The following EPB41L4B variants were observed in gnomAD, a reference collection of about 807,000 sequenced individuals.
The protein encoded by EPB41L4B is erythrocyte membrane protein band 4.1 like 4B, also known as band 4.1-like protein 4B.
A neutral mutation model predicts 112.5 loss-of-function variants in EPB41L4B; 30 were observed. That is an observed-to-expected ratio of 0.27 (90% CI 0.20 to 0.36). The LOEUF is 0.36. EPB41L4B is among the 10% of genes least tolerant of loss of function. The pLI is 1.00. For synonymous variants in EPB41L4B, 408 were observed against 439.7 expected (o/e 0.93, Z 0.90); for missense variants, 1,024 against 1,133.3 (o/e 0.90, Z 1.38).
chr9:109,175,115 C>T (rs1382549313), intron 25 of EPB41L4B, among the ~76,000 whole-genome samples: 1 of 151,748 alleles, frequency 6.6e-6, no homozygotes, highest in East Asian at 1.9e-4. Flanking sequence ...CGGGGTTTCA[C>T]CGTGTTGCCC....
chr9:109,303,783 G>T (rs1190954039), intron 1 of EPB41L4B, among the ~76,000 whole-genome samples: 1 of 151,992 alleles, frequency 6.6e-6, no homozygotes, highest in East Asian at 1.9e-4. Flanking sequence ...TAGGATTATG[G>T]TTGTGAACCA....
intron 18 of EPB41L4B, among the ~76,000 whole-genome samples, chr9:109,207,670 T>C (rs1443873712): frequency 2.0e-5 from 3 of 152,078 alleles, no homozygotes; most frequent in African/African-American, 7.2e-5. Context: ...CAGGGCCCAG[T>C]TTTCCAGGTG....
intron 1 of EPB41L4B, among the ~76,000 whole-genome samples, chr9:109,284,161 G>A (rs1399959232): frequency 1.3e-5 from 2 of 152,038 alleles, no homozygotes; most frequent in Non-Finnish European, 2.9e-5. Flanking sequence ...TACCTTAAAC[G>A]TGCTCAGCAA....
rs1833753929 is a variant in EPB41L4B at position 109,226,210 on chromosome 9, G to T, written c.1410-9065C>A. Among the ~76,000 whole-genome samples, 3 of 152,076 alleles carry T rather than the reference G, an allele frequency of 2.0e-5. No individual in the cohort carries two copies. In the South Asian group the frequency reaches 6.2e-4, roughly 32 times the overall value. ...GTCCTCTGGCTTTTACATAGGTTTG[G>T]TCAATGGGAGGCACTGACATGGACT... On this transcript the variant is annotated intron_variant, in intron 15 of 25. Coordinates refer to ENST00000374566, the MANE Select transcript of EPB41L4B (RefSeq NM_019114.5).
intron 14 of EPB41L4B, among the ~76,000 whole-genome samples, chr9:109,246,350 G>C (rs2118985005): frequency 6.6e-6 from 1 of 152,296 alleles, no homozygotes; most frequent in Non-Finnish European, 1.5e-5. Flanking sequence ...AATAGAGATG[G>C]GGTCTCACTA....
At chr9:109,280,918 G>T (rs1836009334) in intron 1 of EPB41L4B, among the ~76,000 whole-genome samples, 1 of 152,082 alleles carries the variant, frequency 6.6e-6, no homozygotes, top group African/African-American at 2.4e-5. Flanking sequence ...GCAGCACTGG[G>T]TAACCTAAGA....
chr9:109,231,665 C>A (rs1833956331), intron 15 of EPB41L4B, among the ~76,000 whole-genome samples: 1 of 152,180 alleles, frequency 6.6e-6, no homozygotes, highest in Non-Finnish European at 1.5e-5. Flanking sequence ...GTGCTTCCAT[C>A]TCTGAGTCTG....
rs1307230520 is a variant in EPB41L4B, at chr9:109,320,529, C to T, written c.-83G>A. 2.4e-6 allele frequency: 2 copies of T among 816,646 alleles called. No individual in the cohort carries two copies. Among genetic ancestry groups the T allele is most frequent in the Non-Finnish European group, 2.9e-6 (2 of 680,148 alleles). 50.6% of individuals were successfully genotyped at this position (816,646 alleles called of 1,614,324 possible). On this transcript the variant is annotated 5_prime_UTR_variant, in exon 1 of 26. Transcript: ENST00000374566. The stretch of plus-strand genomic sequence containing the variant: ...CCGCTGCGCCGCCGCCCGGGAGCGT[C>T]CCGCGACGCCGTCAGTGCCCTCGGC...
At chr9:109,207,341 G>A (rs553956918) in intron 18 of EPB41L4B, among the ~76,000 whole-genome samples, 4 of 152,182 alleles carry the variant, frequency 2.6e-5, no homozygotes, top group South Asian at 2.1e-4. Flanking sequence ...AGGCTGAGGC[G>A]CGAGGATTGC....
intron 18 of EPB41L4B, 33 bp downstream of exon 18, chr9:109,207,891 A>G: frequency 1.2e-6 from 2 of 1,613,314 alleles, no homozygotes; most frequent in Non-Finnish European, 1.7e-6. Context: ...ATCCTATAAC[A>G]TGAAATCAAA....
At chr9:109,287,279 C>T (rs1483594393) in intron 1 of EPB41L4B, among the ~76,000 whole-genome samples, 1 of 152,098 alleles carries the variant, frequency 6.6e-6, no homozygotes, top group Non-Finnish European at 1.5e-5. Flanking sequence ...CTTAACTGCC[C>T]CCCAAAATAA....
intron 1 of EPB41L4B, among the ~76,000 whole-genome samples, chr9:109,284,571 C>T (rs898166349): frequency 6.6e-6 from 1 of 152,198 alleles, no homozygotes; most frequent in South Asian, 2.1e-4. Context: ...CCCCACCACA[C>T]TGGGCTAATT....
intron 2 of EPB41L4B, among the ~76,000 whole-genome samples, chr9:109,271,915 T>A (rs1197349850): frequency 6.6e-6 from 1 of 152,230 alleles, no homozygotes; most frequent in Non-Finnish European, 1.5e-5. Flanking sequence ...TGTGAGATGA[T>A]CTTGGCAAGG....
At chr9:109,295,638 T>C (rs1836707266) in intron 1 of EPB41L4B, among the ~76,000 whole-genome samples, 2 of 152,094 alleles carry the variant, frequency 1.3e-5, no homozygotes, top group South Asian at 4.1e-4. Flanking sequence ...CTGAGACCAA[T>C]ACAATTTTCC....
chr9:109,255,594 G>A lies in EPB41L4B; in HGVS notation c.1086C>T (p.His362=), dbSNP rs376508651. The A allele has an allele frequency of 5.9e-5, 96 of 1,614,178 alleles. No homozygotes were observed. The African/African-American group carries it at 9.1e-4, about 15-fold the overall frequency. The part of the protein sequence containing the change: ...KHLWKCAVEH[H]AFFRLRTPGN... Reference sequence around the variant, plus strand: ...CTGGCGTCCGCAGTCGGAAGAATGCGTGGTGCTCAACTGCACACTTCCAAA... The same window carrying A: ...CTGGCGTCCGCAGTCGGAAGAATGCATGGTGCTCAACTGCACACTTCCAAA... Residue 362 remains histidine (H), a synonymous_variant, in exon 11 of 26, where the codon CAC becomes CAT. Transcript: ENST00000374566.
At chr9:109,303,324 A>G (rs1837049362) in intron 1 of EPB41L4B, among the ~76,000 whole-genome samples, 1 of 151,844 alleles carries the variant, frequency 6.6e-6, no homozygotes, top group Non-Finnish European at 1.5e-5. Flanking sequence ...TATTACTTTT[A>G]TTTTTATAAG....
chr9:109,313,459 C>T (rs1837497991), intron 1 of EPB41L4B, among the ~76,000 whole-genome samples: 1 of 152,222 alleles, frequency 6.6e-6, no homozygotes, highest in Non-Finnish European at 1.5e-5. Context: ...TGCTGCCCGG[C>T]TCCAGCCCCA....
intron 15 of EPB41L4B, among the ~76,000 whole-genome samples, chr9:109,221,649 A>G (rs1419861071): frequency 2.6e-5 from 4 of 152,234 alleles, no homozygotes; most frequent in Non-Finnish European, 2.9e-5. Context: ...TTTTTAGCCT[A>G]GAGGACCAGG....
At chr9:109,260,994 T>C (rs1835180213) in intron 6 of EPB41L4B, among the ~76,000 whole-genome samples, 1 of 152,186 alleles carries the variant, frequency 6.6e-6, no homozygotes, top group Non-Finnish European at 1.5e-5. Flanking sequence ...TTAATGGCCT[T>C]CCGTCTCTTT....
Sources: allele counts gnomAD v4.1 joint callset (sites outside exome capture counted in the v4.1 genomes callset), GRCh38; gene constraint gnomAD v4.1.1; transcripts MANE v1.5; gene names NCBI Gene and HGNC (gene_info 2026-07-23, HGNC 2026-07-21).